Variants in MAP7 observed in about 807,000 individuals in gnomAD.
MAP7 encodes ensconsin.
In MAP7, 52 loss-of-function variants were observed where a neutral mutation model predicts 94.8. The ratio of observed to expected loss-of-function variants is 0.55; its 90% CI spans 0.44 to 0.69. The LOEUF (loss-of-function observed/expected upper bound fraction) is 0.69, where lower values mean the gene tolerates loss of function less well. Among genes scored for constraint, MAP7 ranks in the 30% least tolerant of loss-of-function variants. The probability of loss-of-function intolerance (pLI) is 0.00; values close to 1 mark genes in which losing one functional copy is unlikely to be tolerated. For synonymous variants in MAP7, 350 were observed against 357.0 expected (o/e 0.98, Z 0.22); for missense variants, 940 against 964.6 (o/e 0.97, Z 0.34).
Position 136,365,725 on chromosome 6 carries a change from T to A in MAP7, c.1273+10A>T, listed in dbSNP as rs1232180708. 1.9e-6 allele frequency: 3 copies of A among 1,611,970 alleles called. No homozygotes were observed. The African/African-American group carries it at 4.0e-5, about 22-fold the overall frequency. On this transcript the variant is annotated intron_variant, in intron 10 of 17. Coordinates refer to ENST00000354570, the MANE Select transcript of MAP7 (RefSeq NM_003980.6). ...GAGAGCACCCAGACCACAGGTGAGT[T>A]TGCTCTTACCAGGGCCAACTTCTGG...
chr6:136,371,511 A>G (rs1774496490), intron 8 of MAP7, among the ~76,000 whole-genome samples: 1 of 152,276 alleles, frequency 6.6e-6, no homozygotes, highest in South Asian at 2.1e-4. Flanking sequence ...AAAGAAAAAC[A>G]GGCTGTAGGC....
At chr6:136,362,785 G>A (rs1336293044) in intron 10 of MAP7, 83 bp from the exon 11 acceptor site, 1 of 1,494,106 alleles carries the variant, frequency 6.7e-7, no homozygotes, top group Non-Finnish European at 8.9e-7. Context: ...CCACATCCAA[G>A]GCCTAGAATT....
Position 136,532,701 on chromosome 6 carries a change from T to C in MAP7, c.67+17641A>G, listed in dbSNP as rs560467134. Reference sequence around the variant, plus strand: ...TTGATGCAAATGGAAAGTCGAGTTATATAACCAAGAGAGAACACTCAGGCA... The same window carrying C: ...TTGATGCAAATGGAAAGTCGAGTTACATAACCAAGAGAGAACACTCAGGCA... On this transcript the variant is annotated intron_variant, in intron 1 of 17. Transcript: ENST00000354570. Among the ~76,000 whole-genome samples, 6 of 152,212 alleles carry C rather than the reference T, an allele frequency of 3.9e-5. No homozygotes were observed. The South Asian group carries it at 8.3e-4, about 21-fold the overall frequency.
At chr6:136,357,000 T>C (rs1312249476) in intron 15 of MAP7, among the ~76,000 whole-genome samples, 1 of 147,230 alleles carries the variant, frequency 6.8e-6, no homozygotes, top group African/African-American at 2.7e-5. Context: ...TTAAATGTAT[T>C]AATATTAATA....
chr6:136,497,443 T>C (rs1159952088), intron 1 of MAP7, among the ~76,000 whole-genome samples: 1 of 151,722 alleles, frequency 6.6e-6, no homozygotes, highest in Non-Finnish European at 1.5e-5. Context: ...ATTGTTCCCC[T>C]GCCCCATTTT....
intron 1 of MAP7, chr6:136,466,617 T>TA (rs1221710886): frequency 0.029 from 15,320 of 521,426 alleles, 3 homozygotes; most frequent in South Asian, 0.033. Context: ...AAACAATGAT[T>TA]AAAAAAAAAA....
intron 1 of MAP7, among the ~76,000 whole-genome samples, chr6:136,514,033 C>G (rs957645881): frequency 9.9e-5 from 15 of 152,148 alleles, no homozygotes; most frequent in Admixed American, 3.9e-4. Context: ...TGGTGCCATC[C>G]CCGCTGGAGT....
rs534209372 is a variant in MAP7, at chr6:136,450,669, A to G, written c.68-28870T>C. ...CATGGTGGCTCACGCCTGTAATCCC[A>G]GCTACTCGGAAGGCTGAGGCGGGAG... On this transcript the variant is annotated intron_variant, in intron 1 of 17. Transcript: ENST00000354570. Among the ~76,000 whole-genome samples, 10 of 152,174 alleles carry G rather than the reference A, an allele frequency of 6.6e-5. No individual in the cohort carries two copies. The East Asian group carries it at 1.9e-3, about 29-fold the overall frequency.
chr6:136,522,496 G>C (rs1039536845), intron 1 of MAP7, among the ~76,000 whole-genome samples: 10 of 152,102 alleles, frequency 6.6e-5, no homozygotes, highest in South Asian at 6.2e-4. Context: ...TGAAAAGATG[G>C]TACTCATCAT....
At chr6:136,446,595 C>T (rs1393455039) in intron 1 of MAP7, among the ~76,000 whole-genome samples, 2 of 152,198 alleles carry the variant, frequency 1.3e-5, no homozygotes, top group African/African-American at 2.4e-5. Context: ...ACCCTCTAAT[C>T]CTGCCTTAGT....
At chr6:136,430,519 C>T (rs2128805106) in intron 1 of MAP7, among the ~76,000 whole-genome samples, 1 of 152,266 alleles carries the variant, frequency 6.6e-6, no homozygotes, top group Admixed American at 6.5e-5. Flanking sequence ...AATAAATACA[C>T]ATATACACTG....
At chr6:136,440,382 G>C (rs1053030977) in intron 1 of MAP7, among the ~76,000 whole-genome samples, 2 of 152,104 alleles carry the variant, frequency 1.3e-5, no homozygotes, top group African/African-American at 2.4e-5. Context: ...GGTGACATCT[G>C]AGCTGGTCCT....
In MAP7 at chr6:136,516,930, G is replaced by A. The variant is rs78315469; in HGVS notation, c.67+33412C>T. The stretch of plus-strand genomic sequence containing the variant: ...TCAAGCAACTCACATACATGCACAC[G>A]AGCGCACATGCACACCCCACATCAG... On this transcript the variant is annotated intron_variant, in intron 1 of 17. Coordinates refer to ENST00000354570, the MANE Select transcript of MAP7 (RefSeq NM_003980.6). Among the ~76,000 whole-genome samples the A allele has an allele frequency of 2.9e-3, 433 of 149,446 alleles. 1 individual carries two copies. Among genetic ancestry groups the A allele is most frequent in the African/African-American group, 0.01 (406 of 40,250 alleles).
intron 16 of MAP7, among the ~76,000 whole-genome samples, chr6:136,351,633 C>T (rs1297191608): frequency 6.6e-6 from 1 of 152,196 alleles, no homozygotes; most frequent in African/African-American, 2.4e-5. Flanking sequence ...ACCCCATATT[C>T]ATGCTGAAGA....
At chr6:136,475,935 C>G (rs1810755030) in intron 1 of MAP7, 1 of 152,156 alleles carries the variant, frequency 6.6e-6, no homozygotes, top group Non-Finnish European at 1.5e-5. Flanking sequence ...CTTGATGATA[C>G]TTATGTTTCA....
At chr6:136,447,858 C>T (rs1412105836) in intron 1 of MAP7, among the ~76,000 whole-genome samples, 1 of 152,094 alleles carries the variant, frequency 6.6e-6, no homozygotes, top group East Asian at 1.9e-4. Context: ...CATAATCAAG[C>T]AGTTGGAAAT....
Position 136,361,167 on chromosome 6 carries a change from C to T in MAP7, c.1539G>A (p.Glu513=), listed in dbSNP as rs1792648744. ...CTTCAGCCACACGTTGAGCCAATTCCTCTCTCTTTTGTCTGGAAAAAGACA... is the reference window on the plus strand; with the variant it reads ...CTTCAGCCACACGTTGAGCCAATTCTTCTCTCTTTTGTCTGGAAAAAGACA... The part of the protein sequence containing the change: ...EQEELERQKR[E]ELAQRVAEER... Residue 513 remains glutamate (E), a synonymous_variant, in exon 12 of 18, where the codon GAG becomes GAA. Transcript: ENST00000354570. The T allele has an allele frequency of 6.2e-7, 1 of 1,603,116 alleles. No individual in the cohort carries two copies. The highest frequency in any genetic ancestry group is 1.3e-5 in the African/African-American group (1 of 74,958).
intron 3 of MAP7, among the ~76,000 whole-genome samples, chr6:136,399,169 G>T (rs1425857175): frequency 6.6e-6 from 1 of 152,246 alleles, no homozygotes; most frequent in Middle Eastern, 3.4e-3. Context: ...CTGAGTTTGG[G>T]TCTTGAGTCT....
rs879807922 is a variant in MAP7 at position 136,401,781 on chromosome 6, T to TA, written c.244+9838dup. Among the ~76,000 whole-genome samples, 963 of 137,124 alleles carry TA rather than the reference T, an allele frequency of 7.0e-3. 10 individuals carry two copies. The highest frequency in any genetic ancestry group is 0.022 in the Middle Eastern group (6 of 274). The allele number at this position is 137,124 out of a possible 152,430, so 90.0% of individuals were successfully genotyped here. ...TGTACCCAAGAACTTAAAGTATAATTAAAAAAAAAAAAAGAAACCCTGTCT... is the reference window on the plus strand; with the variant it reads ...TGTACCCAAGAACTTAAAGTATAATTAAAAAAAAAAAAAAGAAACCCTGTCT... On this transcript the variant is annotated intron_variant, in intron 3 of 17. Transcript: ENST00000354570.
Sources: gnomAD v4.1 joint callset for allele counts (sites outside exome capture counted in the v4.1 genomes callset) on GRCh38, gnomAD v4.1.1 for gene constraint, MANE v1.5 for transcripts, NCBI Gene and HGNC (gene_info 2026-07-23, HGNC 2026-07-21) for gene names.